Variants in AMDHD2 observed in about 807,000 individuals in gnomAD.
AMDHD2 encodes N-acetylglucosamine-6-phosphate deacetylase.
A neutral mutation model predicts 41.8 loss-of-function variants in AMDHD2; 24 were observed. That is an observed-to-expected ratio of 0.57 (90% confidence interval 0.42 to 0.81). AMDHD2 has a LOEUF of 0.81. Among genes scored for constraint, AMDHD2 ranks in the 30% least tolerant of loss-of-function variants. The pLI, the probability that AMDHD2 is intolerant of heterozygous loss-of-function variation, is 0.00. For missense variants in AMDHD2, 540 were observed against 588.5 expected (o/e 0.92, Z 0.85); for synonymous variants, 332 against 255.5 (o/e 1.30, Z -2.85).
At chr16:2,524,302 G>T (rs1487179693) in intron 3 of AMDHD2, among the ~76,000 whole-genome samples, 1 of 152,240 alleles carries the variant, frequency 6.6e-6, no homozygotes, top group African/African-American at 2.4e-5. Context: ...GTTTCCGCCT[G>T]TCCTTTGCTA....
rs1259737477 is a variant in AMDHD2, at chr16:2,529,902, C to G, written c.*339C>G. Reference sequence around the variant, plus strand: ...CTGCATGAAGTGGACCGGAGACCTGCAGACCCCAGGAAAGTGTCACTATGG... The same window carrying G: ...CTGCATGAAGTGGACCGGAGACCTGGAGACCCCAGGAAAGTGTCACTATGG... On this transcript the variant is annotated 3_prime_UTR_variant, in exon 11 of 11. Coordinates refer to ENST00000293971, the MANE Select transcript of AMDHD2 (RefSeq NM_001330449.2). The G allele has an allele frequency of 1.8e-6, 2 of 1,091,072 alleles. No homozygotes were observed. The highest frequency in any genetic ancestry group is 1.6e-5 in the African/African-American group (1 of 63,098). The allele number at this position is 1,091,072 out of a possible 1,614,324, so 67.6% of individuals were successfully genotyped here.
chr16:2,530,424 C>T lies in AMDHD2; in HGVS notation c.*861C>T. On this transcript the variant is annotated 3_prime_UTR_variant, in exon 11 of 11. Transcript: ENST00000293971. ...ACGGGCCGTGAGGCTCCCTGAACAGCTTCGAGGCGGGTGGGCTTCTGGAGC... is the reference window on the plus strand; with the variant it reads ...ACGGGCCGTGAGGCTCCCTGAACAGTTTCGAGGCGGGTGGGCTTCTGGAGC... 1 of 1,614,188 alleles carries T rather than the reference C, an allele frequency of 6.2e-7. No individual in the cohort carries two copies. Among genetic ancestry groups the T allele is most frequent in the Non-Finnish European group, 8.5e-7 (1 of 1,180,022 alleles).
chr16:2,521,987 T>C (rs1202611278), intron 3 of AMDHD2, among the ~76,000 whole-genome samples: 5 of 152,000 alleles, frequency 3.3e-5, no homozygotes, highest in Non-Finnish European at 5.9e-5. Flanking sequence ...GGTTTCACCG[T>C]GTTAGCCAGG....
At position 2,529,640 on chromosome 16, in the gene AMDHD2, G is replaced by C; in HGVS notation, c.*77G>C. The C allele has an allele frequency of 6.3e-7, 1 of 1,591,216 alleles. No individual in the cohort carries two copies. The highest frequency in any genetic ancestry group is 2.3e-5 in the East Asian group (1 of 44,444). The stretch of plus-strand genomic sequence containing the variant: ...CGGGTGGTTGGGGAGCTGGTCTCCA[G>C]GGAGTGAGTCGGGAGCCCTGCTGGA... On this transcript the variant is annotated 3_prime_UTR_variant, in exon 11 of 11. Transcript: ENST00000293971.
In AMDHD2 at chr16:2,520,892, C is replaced by T. The variant is rs755751366; in HGVS notation, c.207C>T (p.Asp69=). 3 of 1,609,410 alleles carry T rather than the reference C, an allele frequency of 1.9e-6. No homozygotes were observed. The highest frequency in any genetic ancestry group is 4.5e-5 in the East Asian group (2 of 44,646). The change falls in exon 2 of 11, where the codon GAC becomes GAT. Residue 69 remains aspartate (D), a synonymous_variant. Transcript: ENST00000293971. ...GGRILAPGFI[D]VQINGGFGVD... The stretch of plus-strand genomic sequence containing the variant: ...GCATCTTGGCTCCCGGATTCATCGA[C>T]GTGCAGATCAACGGTGCGGCCCGGG...
At chr16:2,524,119 C>G (rs903707579) in intron 3 of AMDHD2, among the ~76,000 whole-genome samples, 4 of 152,244 alleles carry the variant, frequency 2.6e-5, no homozygotes, top group Non-Finnish European at 4.4e-5. Flanking sequence ...CTGCCTGGAT[C>G]ATCTTAGAAA....
intron 3 of AMDHD2, among the ~76,000 whole-genome samples, chr16:2,525,371 T>C (rs2065990241): frequency 1.3e-5 from 2 of 150,520 alleles, no homozygotes; most frequent in Admixed American, 1.3e-4. Context: ...TGTTGCTTTT[T>C]TTTTTTTTTT....
rs2066068318 is a variant in AMDHD2, at chr16:2,530,234, C to T, written c.*671C>T. ...CGTTCTGTTTTCTCTTCTCAATAAC[C>T]CTATCTCTTCACACATCCCCAGGCC... On this transcript the variant is annotated 3_prime_UTR_variant, in exon 11 of 11. Transcript: ENST00000293971. The T allele has an allele frequency of 6.3e-7, 1 of 1,588,442 alleles. No homozygotes were observed. The highest frequency in any genetic ancestry group is 1.3e-5 in the African/African-American group (1 of 74,596).
At position 2,531,315 on chromosome 16, in the gene AMDHD2, C is replaced by G. The variant is rs540841941; in HGVS notation, c.*1752C>G. 4 of 546,156 alleles carry G rather than the reference C, an allele frequency of 7.3e-6. No individual in the cohort carries two copies. The East Asian group carries it at 8.6e-5, about 12-fold the overall frequency. 33.8% of individuals were successfully genotyped at this position (546,156 alleles called of 1,614,324 possible). On this transcript the variant is annotated 3_prime_UTR_variant, in exon 11 of 11. Coordinates refer to ENST00000293971, the MANE Select transcript of AMDHD2 (RefSeq NM_001330449.2). ...GGTGAGAGAGAGCTGGGCCAGGGAG[C>G]TGCTGCAGGATGATTTTGAGGTGTG...
In AMDHD2 at chr16:2,528,990, G is replaced by A. The variant is rs1457626159; in HGVS notation, c.1040-4G>A. ...ACTGTCACCTAGCTGTGTCCCCCAA[G>A]CAGGCTGCAGCATGGAGTCGGCCCT... On this transcript the variant is annotated splice_region_variant and splice_polypyrimidine_tract_variant and intron_variant, in intron 9 of 10. Coordinates refer to ENST00000293971, the MANE Select transcript of AMDHD2 (RefSeq NM_001330449.2). 6.4e-7 allele frequency: 1 copy of A among 1,571,402 alleles called. No homozygotes were observed. The highest frequency in any genetic ancestry group is 1.2e-5 in the South Asian group (1 of 85,986).
In AMDHD2 at chr16:2,521,107, C is replaced by T. The variant is rs147129473; in HGVS notation, c.344C>T (p.Pro115Leu). ...SFCPTLVTSP[P>L]EVYHKVVPQI... is the part of the protein sequence containing the mutation. ...TGCCCCACCCTGGTCACTTCCCCAC[C>T]GGAGGTTTATCACAAGGTGAGGTGA... is the stretch of plus-strand genomic sequence containing the variant. The change falls in exon 3 of 11, where the codon CCG becomes CTG. Residue 115 changes from proline (P) to leucine (L), a missense_variant. Pro to Leu is a moderately conservative substitution (Grantham distance 98, BLOSUM62 -3). Coordinates refer to ENST00000293971, the MANE Select transcript of AMDHD2 (RefSeq NM_001330449.2). 1.5e-5 allele frequency: 24 copies of T among 1,588,316 alleles called. No homozygotes were observed. The highest frequency in any genetic ancestry group is 2.0e-5 in the Non-Finnish European group (23 of 1,162,624).
At position 2,531,183 on chromosome 16, in the gene AMDHD2, C is replaced by G; in HGVS notation, c.*1620C>G. The G allele has an allele frequency of 7.2e-7, 1 of 1,381,822 alleles. No individual in the cohort carries two copies. Among genetic ancestry groups the G allele is most frequent in the Non-Finnish European group, 9.7e-7 (1 of 1,026,324 alleles). 85.6% of individuals were successfully genotyped at this position (1,381,822 alleles called of 1,614,324 possible). ...GCCTTTGGGCCTGGCCTGCCCCATT[C>G]ACCGGCCAGCGCCCCACCTCCCTGG... On this transcript the variant is annotated 3_prime_UTR_variant, in exon 11 of 11. Coordinates refer to ENST00000293971, the MANE Select transcript of AMDHD2 (RefSeq NM_001330449.2).
intron 10 of AMDHD2, 49 bp downstream of exon 10, chr16:2,529,144 C>T: frequency 8.2e-6 from 12 of 1,470,008 alleles, no homozygotes; most frequent in Non-Finnish European, 1.1e-5. Context: ...TGCCTGTAGA[C>T]TCTGTTGTTC....
At chr16:2,526,909 G>A (rs377598212) in intron 3 of AMDHD2, among the ~76,000 whole-genome samples, 6 of 152,098 alleles carry the variant, frequency 3.9e-5, no homozygotes, top group Admixed American at 6.5e-5. Context: ...CAGCCTGGGC[G>A]ACAAGAGGGA....
At chr16:2,526,975 A>AG (rs1827479536) in intron 3 of AMDHD2, 1 of 153,598 alleles carries the variant, frequency 6.5e-6, no homozygotes, top group African/African-American at 2.4e-5. Context: ...TGGGGAGTTC[A>AG]GGGGAGGGTA....
chr16:2,531,147 G>T lies in AMDHD2; in HGVS notation c.*1584G>T. 1 of 1,513,714 alleles carries T rather than the reference G, an allele frequency of 6.6e-7. No individual in the cohort carries two copies. The highest frequency in any genetic ancestry group is 8.9e-7 in the Non-Finnish European group (1 of 1,127,350). 93.8% of individuals were successfully genotyped at this position (1,513,714 alleles called of 1,614,324 possible). A position where few individuals can be genotyped will look rare whatever the true frequency, so the allele number is the denominator to read the frequency against. ...GGGACGCCCAGTCCAGAGCTGGTGA[G>T]CCCTGGGCCAGCCTTTGGGCCTGGC... is the stretch of plus-strand genomic sequence containing the variant. On this transcript the variant is annotated 3_prime_UTR_variant, in exon 11 of 11. Coordinates refer to ENST00000293971, the MANE Select transcript of AMDHD2 (RefSeq NM_001330449.2).
At chr16:2,526,558 C>G (rs1469888227) in intron 3 of AMDHD2, among the ~76,000 whole-genome samples, 2 of 151,960 alleles carry the variant, frequency 1.3e-5, no homozygotes, top group African/African-American at 4.8e-5. Flanking sequence ...CCCAGTGTCC[C>G]TCTTGCCAAG....
chr16:2,530,756 C>CT lies in AMDHD2; in HGVS notation c.*1194dup. The CT allele has an allele frequency of 6.2e-7, 1 of 1,613,590 alleles. No individual in the cohort carries two copies. Among genetic ancestry groups the CT allele is most frequent in the Non-Finnish European group, 8.5e-7 (1 of 1,179,820 alleles). ...ACCACCTGCCTGGGCAGGGCCTCGCCTGAGGGAGGGCCTGGGGCAGGGCAC... is the reference window on the plus strand; with the variant it reads ...ACCACCTGCCTGGGCAGGGCCTCGCCTTGAGGGAGGGCCTGGGGCAGGGCAC... On this transcript the variant is annotated 3_prime_UTR_variant, in exon 11 of 11. Coordinates refer to ENST00000293971, the MANE Select transcript of AMDHD2 (RefSeq NM_001330449.2).
intron 8 of AMDHD2, 30 bp from the exon 9 acceptor site, chr16:2,528,620 C>A: frequency 6.2e-7 from 1 of 1,612,958 alleles, no homozygotes; most frequent in Non-Finnish European, 8.5e-7. Context: ...GCCCACGACC[C>A]CCCCAGAGCC....
Sources: gnomAD v4.1 joint callset for allele counts (sites outside exome capture counted in the v4.1 genomes callset) on GRCh38, gnomAD v4.1.1 for gene constraint, MANE v1.5 for transcripts, NCBI Gene and HGNC (gene_info 2026-07-23, HGNC 2026-07-21) for gene names.